The following PLXDC2 variants were observed in gnomAD, a reference collection of about 807,000 sequenced individuals.
PLXDC2 encodes the protein plexin domain-containing protein 2.
A neutral mutation model predicts 68.9 loss-of-function variants in PLXDC2; 40 were observed. That is an observed-to-expected ratio of 0.58 (90% CI 0.45 to 0.76). PLXDC2 has a LOEUF of 0.76. PLXDC2 is among the 30% of genes least tolerant of loss of function. The pLI is 0.00. For synonymous variants in PLXDC2, 243 were observed against 234.2 expected, an observed-to-expected ratio of 1.04 and a Z score of -0.34; for missense variants, 644 against 661.9, an observed-to-expected ratio of 0.97 and a Z score of 0.30.
At chr10:20,167,924 A>G (rs1834396200) in intron 7 of PLXDC2, among the ~76,000 whole-genome samples, 1 of 152,158 alleles carries the variant, frequency 6.6e-6, no homozygotes, top group Admixed American at 6.6e-5. Context: ...CACATCAACA[A>G]CAAAACACTT....
At chr10:19,829,473 T>G (rs574307290) in intron 1 of PLXDC2, among the ~76,000 whole-genome samples, 1 of 152,312 alleles carries the variant, frequency 6.6e-6, no homozygotes, top group East Asian at 1.9e-4. Context: ...AAGTTACAAT[T>G]TCTGTAATGT....
At chr10:20,120,671 A>G (rs929845649) in intron 4 of PLXDC2, among the ~76,000 whole-genome samples, 3 of 152,144 alleles carry the variant, frequency 2.0e-5, no homozygotes, top group Non-Finnish European at 4.4e-5. Flanking sequence ...CATATTGAGT[A>G]AAGCTAATTT....
At chr10:20,208,752 C>G (rs1218655029) in intron 9 of PLXDC2, among the ~76,000 whole-genome samples, 2 of 151,906 alleles carry the variant, frequency 1.3e-5, no homozygotes, top group East Asian at 1.9e-4. Context: ...GAAATTCACC[C>G]CCGATATTTC....
At chr10:20,168,467 T>C (rs76818978) in intron 7 of PLXDC2, among the ~76,000 whole-genome samples, 2 of 152,128 alleles carry the variant, frequency 1.3e-5, no homozygotes, top group Non-Finnish European at 2.9e-5. Flanking sequence ...CCACAGGAGA[T>C]TCCCACTAAG....
At chr10:20,175,851 C>A (rs1429715176) in intron 7 of PLXDC2, among the ~76,000 whole-genome samples, 1 of 151,970 alleles carries the variant, frequency 6.6e-6, no homozygotes, top group East Asian at 1.9e-4. Flanking sequence ...CAGTTTATAG[C>A]CCCACTAATT....
intron 10 of PLXDC2, among the ~76,000 whole-genome samples, chr10:20,212,953 A>G (rs1835088854): frequency 6.6e-6 from 1 of 152,170 alleles, no homozygotes; most frequent in Non-Finnish European, 1.5e-5. Flanking sequence ...ATATGTAAAG[A>G]TTGAGAATGT....
At chr10:19,935,967 A>G (rs1833716630) in intron 1 of PLXDC2, among the ~76,000 whole-genome samples, 1 of 152,220 alleles carries the variant, frequency 6.6e-6, no homozygotes, top group Non-Finnish European at 1.5e-5. Context: ...TCTGTTGTAA[A>G]TCCAACAGAC....
rs1038556572 is a variant in PLXDC2, at chr10:20,256,514, G to A, written c.1473+11009G>A. On this transcript the variant is annotated intron_variant, in intron 13 of 13. Transcript: ENST00000377252. The stretch of plus-strand genomic sequence containing the variant: ...TTGAAGGAGAAATGATATTTGCTTC[G>A]TAAAAAGAAGAAAATACTTTCTTTT... 6.6e-5 allele frequency among the ~76,000 whole-genome samples: 10 copies of A among 151,884 alleles called. No individual in the cohort carries two copies. In the East Asian group the frequency reaches 1.2e-3, roughly 18 times the overall value.
chr10:19,992,769 A>G (rs1834771895), intron 1 of PLXDC2, among the ~76,000 whole-genome samples: 2 of 152,114 alleles, frequency 1.3e-5, no homozygotes, highest in African/African-American at 4.8e-5. Flanking sequence ...ATTTCCTTCT[A>G]TTAACAGAGT....
intron 4 of PLXDC2, among the ~76,000 whole-genome samples, chr10:20,135,704 G>A (rs937689874): frequency 6.6e-6 from 1 of 152,088 alleles, no homozygotes; most frequent in African/African-American, 2.4e-5. Context: ...GTAATTTTAT[G>A]AACATAATTT....
chr10:20,149,668 G>A (rs770415985), intron 6 of PLXDC2, among the ~76,000 whole-genome samples: 10 of 152,182 alleles, frequency 6.6e-5, no homozygotes, highest in Non-Finnish European at 1.3e-4. Flanking sequence ...GAGAACATTT[G>A]GTATTTGGTT....
intron 12 of PLXDC2, among the ~76,000 whole-genome samples, chr10:20,234,730 A>T (rs1835411514): frequency 6.8e-6 from 1 of 147,222 alleles, no homozygotes; most frequent in Non-Finnish European, 1.5e-5. Context: ...CAGCACACAC[A>T]TAGAATTCTG....
chr10:19,920,347 A>G lies in PLXDC2; in HGVS notation c.113-81428A>G, dbSNP rs192251406. 5.9e-5 allele frequency among the ~76,000 whole-genome samples: 9 copies of G among 152,290 alleles called. No homozygotes were observed. In the South Asian group the frequency reaches 1.0e-3, roughly 18 times the overall value. On this transcript the variant is annotated intron_variant, in intron 1 of 13. Transcript: ENST00000377252. ...CTAAATGTTGCATTTCCCAAGACCAACCTGGCCTGCCACACCCCCATCCTG... is the reference window on the plus strand; with the variant it reads ...CTAAATGTTGCATTTCCCAAGACCAGCCTGGCCTGCCACACCCCCATCCTG...
chr10:20,162,502 G>A (rs965651447), intron 6 of PLXDC2, among the ~76,000 whole-genome samples: 3 of 152,048 alleles, frequency 2.0e-5, no homozygotes, highest in East Asian at 1.9e-4. Context: ...TTATATGATG[G>A]CATTAATAGA....
intron 12 of PLXDC2, among the ~76,000 whole-genome samples, chr10:20,229,053 G>A (rs2131876036): frequency 6.6e-6 from 1 of 152,250 alleles, no homozygotes; most frequent in East Asian, 1.9e-4. Context: ...AAGAAGGGAA[G>A]TAGAGATTCT....
intron 9 of PLXDC2, among the ~76,000 whole-genome samples, chr10:20,189,665 T>C (rs1390081470): frequency 6.6e-6 from 1 of 150,878 alleles, no homozygotes; most frequent in African/African-American, 2.4e-5. Flanking sequence ...ATCTATATGC[T>C]GCATAACTTT....
chr10:20,083,219 T>C (rs7088882), intron 4 of PLXDC2, among the ~76,000 whole-genome samples: 31,371 of 151,988 alleles, frequency 0.21, 3,927 homozygotes, highest in African/African-American at 0.35. Context: ...CTCACACCTG[T>C]AATCCCAGCA....
intron 1 of PLXDC2, among the ~76,000 whole-genome samples, chr10:19,905,230 G>T (rs941605649): frequency 3.9e-5 from 6 of 152,162 alleles, no homozygotes; most frequent in Admixed American, 1.3e-4. Context: ...ATGGGTTCTT[G>T]GATGATTTTG....
rs567431042 is a variant in PLXDC2 at position 20,215,852 on chromosome 10, C to T, written c.1123-1574C>T. Reference sequence around the variant, plus strand: ...GGAAGGTGAACCCAAGGAGTAAAACCGGGAGAATCATGATGGGATTGCAGT... The same window carrying T: ...GGAAGGTGAACCCAAGGAGTAAAACTGGGAGAATCATGATGGGATTGCAGT... On this transcript the variant is annotated intron_variant, in intron 10 of 13. Transcript: ENST00000377252. 7.2e-5 allele frequency among the ~76,000 whole-genome samples: 11 copies of T among 152,124 alleles called. No homozygotes were observed. The East Asian group carries it at 1.2e-3, about 16-fold the overall frequency.
Sources: allele counts gnomAD v4.1 joint callset (sites outside exome capture counted in the v4.1 genomes callset), GRCh38; gene constraint gnomAD v4.1.1; transcripts MANE v1.5; gene names NCBI Gene and HGNC (gene_info 2026-07-23, HGNC 2026-07-21).